The following SLC24A2 variants were observed in gnomAD, a reference collection of about 807,000 sequenced individuals.
SLC24A2 encodes the protein sodium/potassium/calcium exchanger 2.
SLC24A2 carries 36 observed loss-of-function variants against 62.0 expected under a neutral mutation model. The observed-to-expected ratio is 0.58, with a 90% CI of 0.44 to 0.77. The LOEUF (loss-of-function observed/expected upper bound fraction) is 0.77. Ranked by LOEUF, SLC24A2 falls within the 30% of genes least tolerant of loss-of-function variation. The pLI is 0.00. For missense variants in SLC24A2, 846 were observed against 817.9 expected, an observed-to-expected ratio of 1.03 and a Z score of -0.42; for synonymous variants, 358 against 294.0, an observed-to-expected ratio of 1.22 and a Z score of -2.23.
the SLC24A2 span, among the ~76,000 whole-genome samples, chr9:20,170,607 AG>A: frequency 6.6e-6 from 1 of 152,130 alleles, no homozygotes; most frequent in South Asian, 2.1e-4. Context: ...GCTGATGGGA[AG>A]GGGGTAGGCT....
chr9:19,819,729 A>T, the SLC24A2 span, among the ~76,000 whole-genome samples: 3 of 151,842 alleles, frequency 2.0e-5, no homozygotes, highest in Non-Finnish European at 4.4e-5. Context: ...GATGCAGTGA[A>T]TAGGGAACAT....
intron 2 of SLC24A2, among the ~76,000 whole-genome samples, chr9:19,636,642 C>G (rs528257789): frequency 6.6e-6 from 1 of 152,032 alleles, no homozygotes; most frequent in Admixed American, 6.6e-5. Flanking sequence ...ACCATGTTGG[C>G]CAGGCTGGTC....
chr9:19,529,908 C>G (rs528266108), intron 8 of SLC24A2, among the ~76,000 whole-genome samples: 2 of 151,784 alleles, frequency 1.3e-5, no homozygotes, highest in South Asian at 4.2e-4. Context: ...TGCCACCACA[C>G]CCCACTAATT....
the SLC24A2 span, among the ~76,000 whole-genome samples, chr9:20,029,707 A>C: frequency 6.6e-6 from 1 of 152,204 alleles, no homozygotes; most frequent in Admixed American, 6.5e-5. Context: ...TATGAGTTCC[A>C]TTTTACAAAG....
At chr9:20,040,583 T>C in the SLC24A2 span, among the ~76,000 whole-genome samples, 3 of 152,126 alleles carry the variant, frequency 2.0e-5, no homozygotes, top group African/African-American at 4.8e-5. Flanking sequence ...GGAATCTGAG[T>C]TCCCATTGGC....
chr9:19,981,630 G>C, the SLC24A2 span, among the ~76,000 whole-genome samples: 2 of 152,126 alleles, frequency 1.3e-5, no homozygotes, highest in South Asian at 4.1e-4. Context: ...AGTTGATCTA[G>C]GCTTGGCTTT....
intron 2 of SLC24A2, among the ~76,000 whole-genome samples, chr9:19,711,822 G>A (rs1820722985): frequency 1.3e-5 from 2 of 150,014 alleles, no homozygotes; most frequent in African/African-American, 2.4e-5. Flanking sequence ...AAGCGATAAT[G>A]TGGGCAAGTG....
the SLC24A2 span, among the ~76,000 whole-genome samples, chr9:20,213,902 A>G: frequency 6.6e-6 from 1 of 152,222 alleles, no homozygotes; most frequent in Non-Finnish European, 1.5e-5. Flanking sequence ...ATATCATTGT[A>G]TCTCCATTTC....
intron 7 of SLC24A2, among the ~76,000 whole-genome samples, chr9:19,566,014 G>A (rs200955892): frequency 2.0e-4 from 30 of 151,892 alleles, no homozygotes; most frequent in African/African-American, 5.6e-4. Context: ...TAAAAACCCT[G>A]GAAGAAAACC....
intron 2 of SLC24A2, among the ~76,000 whole-genome samples, chr9:19,722,766 AAAG>A (rs1287796297): frequency 1.3e-5 from 2 of 152,236 alleles, no homozygotes; most frequent in South Asian, 2.1e-4. Context: ...ACAAAACAAA[AAAG>A]AAGATGACCC....
the SLC24A2 span, among the ~76,000 whole-genome samples, chr9:20,201,517 A>G: frequency 6.6e-6 from 1 of 152,212 alleles, no homozygotes; most frequent in Non-Finnish European, 1.5e-5. Context: ...AAAGAAAGAA[A>G]GTGAGAGATT....
the SLC24A2 span, among the ~76,000 whole-genome samples, chr9:20,222,136 G>A: frequency 6.6e-6 from 1 of 151,826 alleles, no homozygotes; most frequent in African/African-American, 2.4e-5. Flanking sequence ...ACGAAATAAT[G>A]GTAGAAAATG....
At chr9:19,678,548 G>T (rs946632379) in intron 2 of SLC24A2, among the ~76,000 whole-genome samples, 1 of 152,080 alleles carries the variant, frequency 6.6e-6, no homozygotes, top group Admixed American at 6.6e-5. Context: ...TCTATTTCTT[G>T]TCTTCGTTTC....
the SLC24A2 span, among the ~76,000 whole-genome samples, chr9:19,859,350 T>C: frequency 6.6e-6 from 1 of 151,818 alleles, no homozygotes; most frequent in East Asian, 1.9e-4. Flanking sequence ...TACTTGAGGG[T>C]GGATGATGGG....
At chr9:19,837,720 T>G in the SLC24A2 span, among the ~76,000 whole-genome samples, 1 of 151,950 alleles carries the variant, frequency 6.6e-6, no homozygotes, top group African/African-American at 2.4e-5. Context: ...TTCAGCAAAG[T>G]CTCAGGATAC....
intron 2 of SLC24A2, among the ~76,000 whole-genome samples, chr9:19,741,022 T>C (rs1821660717): frequency 6.6e-6 from 1 of 152,198 alleles, no homozygotes. Flanking sequence ...GGAATGTCAT[T>C]TGAGGGCAAG....
chr9:20,220,907 C>G, the SLC24A2 span, among the ~76,000 whole-genome samples: 1 of 152,068 alleles, frequency 6.6e-6, no homozygotes, highest in Non-Finnish European at 1.5e-5. Context: ...CTCAATTAAC[C>G]TAAGCAAAAT....
chr9:19,740,053 C>T lies in SLC24A2; in HGVS notation c.930+45884G>A, dbSNP rs745350042. The stretch of plus-strand genomic sequence containing the variant: ...AAAGTGACAATGGGGTACCATGACA[C>T]GCTGACCAGACCGGTCAAAATGAAA... On this transcript the variant is annotated intron_variant, in intron 2 of 10. Coordinates refer to ENST00000341998, the MANE Select transcript of SLC24A2 (RefSeq NM_020344.4). 3.9e-4 allele frequency among the ~76,000 whole-genome samples: 59 copies of T among 152,152 alleles called. 1 individual carries two copies. Among genetic ancestry groups the T allele is most frequent in the Admixed American group, 1.8e-3 (27 of 15,252 alleles).
intron 2 of SLC24A2, among the ~76,000 whole-genome samples, chr9:19,737,790 A>C (rs1821554006): frequency 6.6e-6 from 1 of 152,066 alleles, no homozygotes; most frequent in Non-Finnish European, 1.5e-5. Context: ...TGACATTTAA[A>C]ATTTGGTTTT....
Sources: allele counts gnomAD v4.1 joint callset (sites outside exome capture counted in the v4.1 genomes callset), GRCh38; gene constraint gnomAD v4.1.1; transcripts MANE v1.5; gene names NCBI Gene and HGNC (gene_info 2026-07-23, HGNC 2026-07-21).